Variants in ATP2B1 observed in about 807,000 individuals in gnomAD.
ATP2B1 encodes ATPase plasma membrane Ca2+ transporting 1.
Under a neutral mutation model 124.2 loss-of-function variants are expected in ATP2B1, and 14 were observed. The ratio of observed to expected loss-of-function variants is 0.11; its 90% CI spans 0.07 to 0.18. The LOEUF is 0.18. Ranked by LOEUF, ATP2B1 falls within the 10% of genes least tolerant of loss-of-function variation. The pLI is 1.00. For missense variants in ATP2B1, 763 were observed against 1,466.1 expected (o/e 0.52, Z 7.83); for synonymous variants, 449 against 492.4 (o/e 0.91, Z 1.17).
intron 12 of ATP2B1, among the ~76,000 whole-genome samples, chr12:89,612,567 A>G (rs1878209710): frequency 6.6e-6 from 1 of 152,126 alleles, no homozygotes. Context: ...TTTGTGCGTA[A>G]TCTCTTCATA....
At chr12:89,626,167 T>C (rs866065976) in intron 8 of ATP2B1, among the ~76,000 whole-genome samples, 4 of 152,334 alleles carry the variant, frequency 2.6e-5, no homozygotes, top group Middle Eastern at 6.8e-3. Flanking sequence ...CTAAATAACC[T>C]CACAGGTTGC....
In ATP2B1 at chr12:89,603,301, G is replaced by C. The variant is rs11105341; in HGVS notation, c.2849-47C>G. On this transcript the variant is annotated intron_variant, in intron 17 of 20. Transcript: ENST00000428670. This position sits in a 1 kb window ranked among gnomAD's most constrained non-coding sequence, Gnocchi z 4.3. ...ATTTTGTAATTATCATACCAAATTA[G>C]ATTTCAAGGAGGTATACAAATTACA... 25 of 1,425,428 alleles carry C rather than the reference G, an allele frequency of 1.8e-5. No homozygotes were observed. The East Asian group carries it at 4.7e-4, about 27-fold the overall frequency. 88.3% of individuals were successfully genotyped at this position (1,425,428 alleles called of 1,614,324 possible).
At chr12:89,628,327 G>A (rs540024117) in intron 6 of ATP2B1, among the ~76,000 whole-genome samples, 6 of 143,814 alleles carry the variant, frequency 4.2e-5, no homozygotes, top group South Asian at 4.6e-4. Context: ...GCTTGAACCC[G>A]GAAGGCGGAG....
At chr12:89,676,448 C>T (rs1888615158) in intron 1 of ATP2B1, among the ~76,000 whole-genome samples, 1 of 152,040 alleles carries the variant, frequency 6.6e-6, no homozygotes, top group Non-Finnish European at 1.5e-5. Context: ...TCTCTCGCTA[C>T]ACATATATAT....
At chr12:89,682,361 A>G (rs1409936276) in intron 1 of ATP2B1, among the ~76,000 whole-genome samples, 1 of 152,184 alleles carries the variant, frequency 6.6e-6, no homozygotes, top group African/African-American at 2.4e-5. Context: ...TGTTTAGTTT[A>G]GTTTTCGTTT....
chr12:89,621,428 A>G, intron 10 of ATP2B1, 121 bp downstream of exon 10: 1 of 716,104 alleles, frequency 1.4e-6, no homozygotes, highest in Admixed American at 3.9e-5. Context: ...AAATAAATAT[A>G]TGCCTTTTAA....
Position 89,590,820 on chromosome 12 carries a change from TTTGC to T in ATP2B1, c.*160_*163del, listed in dbSNP as rs1873414660. On this transcript the variant is annotated 3_prime_UTR_variant, in exon 21 of 21. Coordinates refer to ENST00000428670, the MANE Select transcript of ATP2B1 (RefSeq NM_001366521.1). ...AAGCACCCTCAGTCTGGCAGAAAGCTTTGCTTTTTTTTTTTTAAAAAAATAAATC... is the reference window on the plus strand; with the variant it reads ...AAGCACCCTCAGTCTGGCAGAAAGCTTTTTTTTTTTTTAAAAAAATAAATC... 4 of 817,146 alleles carry T rather than the reference TTTGC, an allele frequency of 4.9e-6. No homozygotes were observed. Among genetic ancestry groups the T allele is most frequent in the Non-Finnish European group, 3.7e-6 (2 of 541,320 alleles). 50.6% of individuals were successfully genotyped at this position (817,146 alleles called of 1,614,324 possible).
At chr12:89,624,140 G>A (rs1226871404) in intron 9 of ATP2B1, 43 bp downstream of exon 9, 1 of 1,563,324 alleles carries the variant, frequency 6.4e-7, no homozygotes, top group Non-Finnish European at 8.8e-7. Flanking sequence ...TACCAGCTAA[G>A]GCTTTAAACA....
Position 89,603,018 on chromosome 12 carries a change from G to A in ATP2B1, c.3060+25C>T, listed in dbSNP as rs775973642. The A allele has an allele frequency of 6.2e-6, 10 of 1,603,290 alleles. No individual in the cohort carries two copies. In the Admixed American group the frequency reaches 1.5e-4, roughly 24 times the overall value. Reference sequence around the variant, plus strand: ...TGTCTCCCATTTAACAGGCAAATTTGAAACTATCTTTTCCAATTACCCACC... The same window carrying A: ...TGTCTCCCATTTAACAGGCAAATTTAAAACTATCTTTTCCAATTACCCACC... On this transcript the variant is annotated intron_variant, in intron 18 of 20. Coordinates refer to ENST00000428670, the MANE Select transcript of ATP2B1 (RefSeq NM_001366521.1). The surrounding 1 kb of genome is among the most constrained non-coding windows in gnomAD (Gnocchi z 4.3).
In ATP2B1 at chr12:89,591,118, A is replaced by T. The variant is rs767392262; in HGVS notation, c.3529T>A (p.Ser1177Thr). Reference sequence around the variant, plus strand: ...TTGTTGGGAGAGGGTGGAGGACTGGAGTTACGTTTTGTAGGAGCATCATCT... The same window carrying T: ...TTGTTGGGAGAGGGTGGAGGACTGGTGTTACGTTTTGTAGGAGCATCATCT... ...AEDDAPTKRN[S>T]SPPPSPNKNN... The change falls in exon 21 of 21, where the codon TCC becomes ACC. Residue 1177 changes from serine (S) to threonine (T), a missense_variant. Around this residue, in one of 7 missense-constraint regions of ATP2B1, gnomAD observed 97 missense variants for 94.7 expected, o/e 1.02. Transcript: ENST00000428670. The T allele has an allele frequency of 6.2e-7, 1 of 1,613,206 alleles. No individual in the cohort carries two copies. The highest frequency in any genetic ancestry group is 1.1e-5 in the South Asian group (1 of 91,074).
At chr12:89,693,906 C>T (rs952723335) in intron 1 of ATP2B1, among the ~76,000 whole-genome samples, 1 of 152,138 alleles carries the variant, frequency 6.6e-6, no homozygotes, top group Admixed American at 6.5e-5. Flanking sequence ...TAAATAATAG[C>T]CTTAGGCTGG....
Position 89,588,458 on chromosome 12 carries a change from C to G in ATP2B1, c.*2526G>C, listed in dbSNP as rs1347813449. 2.6e-5 allele frequency: 4 copies of G among 152,502 alleles called. No individual in the cohort carries two copies. The highest frequency in any genetic ancestry group is 1.9e-4 in the East Asian group (1 of 5,202). The allele number at this position is 152,502 out of a possible 1,614,324, so 9.4% of individuals were successfully genotyped here. A position where few individuals can be genotyped will look rare whatever the true frequency, so the allele number is the denominator to read the frequency against. On this transcript the variant is annotated 3_prime_UTR_variant, in exon 21 of 21. Coordinates refer to ENST00000428670, the MANE Select transcript of ATP2B1 (RefSeq NM_001366521.1). ...AAAACATTTGGGATGCAAAATTAAACAATTTTTTGGTTAGAGGATAAAAGA... is the reference window on the plus strand; with the variant it reads ...AAAACATTTGGGATGCAAAATTAAAGAATTTTTTGGTTAGAGGATAAAAGA...
chr12:89,625,242 G>A (rs566878612), intron 8 of ATP2B1, among the ~76,000 whole-genome samples: 5 of 149,298 alleles, frequency 3.3e-5, no homozygotes, highest in Non-Finnish European at 7.4e-5. Context: ...CTCCAGCCTG[G>A]GTGACAGAGC....
intron 1 of ATP2B1, among the ~76,000 whole-genome samples, chr12:89,691,586 G>T (rs2136735669): frequency 6.6e-6 from 1 of 152,104 alleles, no homozygotes; most frequent in East Asian, 1.9e-4. Context: ...TAATTAACCA[G>T]AAAGTGATCA....
intron 1 of ATP2B1, among the ~76,000 whole-genome samples, chr12:89,665,349 A>C (rs1312935937): frequency 1.3e-5 from 2 of 152,186 alleles, no homozygotes; most frequent in Non-Finnish European, 2.9e-5. Flanking sequence ...ACATATGTTA[A>C]ATTACTTTAA....
At chr12:89,700,760 G>A (rs189979606) in intron 1 of ATP2B1, among the ~76,000 whole-genome samples, 18 of 152,018 alleles carry the variant, frequency 1.2e-4, no homozygotes, top group African/African-American at 3.4e-4. Context: ...TTATTGCAAC[G>A]TCAATTAAAG....
At chr12:89,596,736 A>T (rs746787753) in intron 20 of ATP2B1, among the ~76,000 whole-genome samples, 1 of 152,092 alleles carries the variant, frequency 6.6e-6, no homozygotes, top group Non-Finnish European at 1.5e-5. Flanking sequence ...TGTAGGTTTG[A>T]ATTTTTCAAA....
At chr12:89,655,444 A>G in intron 2 of ATP2B1, 1 of 508,450 alleles carries the variant, frequency 2.0e-6, no homozygotes, top group African/African-American at 1.9e-5. Context: ...AGTATATATA[A>G]TGGAACAAAA....
chr12:89,662,713 T>C (rs1409417867), intron 1 of ATP2B1, among the ~76,000 whole-genome samples: 2 of 152,200 alleles, frequency 1.3e-5, no homozygotes, highest in Non-Finnish European at 2.9e-5. Flanking sequence ...GCCTGATTTA[T>C]TAGTCTCAAA....
Sources: allele counts gnomAD v4.1 joint callset (sites outside exome capture counted in the v4.1 genomes callset), GRCh38; gene constraint gnomAD v4.1.1; regional missense constraint gnomAD v4.1.1; non-coding constraint Gnocchi (gnomAD v3.1); transcripts MANE v1.5; gene names NCBI Gene and HGNC (gene_info 2026-07-23, HGNC 2026-07-21).